DPH6: variants seen among roughly 807,000 people sequenced by gnomAD.
DPH6 encodes the protein diphthamine biosynthesis 6.
In DPH6, 33 loss-of-function variants were observed where a neutral mutation model predicts 38.2. That is an observed-to-expected ratio of 0.86 (90% confidence interval 0.65 to 1.15). DPH6 has a LOEUF of 1.15. Ranked by LOEUF, DPH6 falls within the 50% of genes most tolerant of loss-of-function variation. The pLI is 0.00. For synonymous variants in DPH6, 108 were observed against 103.0 expected (o/e 1.05, Z -0.30); for missense variants, 325 against 320.0 (o/e 1.02, Z -0.12).
At chr15:35,156,563 G>A in the DPH6 span, among the ~76,000 whole-genome samples, 1 of 151,920 alleles carries the variant, frequency 6.6e-6, no homozygotes. Flanking sequence ...AATGGGATGG[G>A]GCACACTTAT....
intron 3 of DPH6, chr15:35,519,819 T>G (rs772427348): frequency 6.6e-6 from 1 of 152,142 alleles, no homozygotes; most frequent in African/African-American, 2.4e-5. Flanking sequence ...GTCAAATGCA[T>G]GGAAATCTAC....
At chr15:35,526,379 A>AG (rs1417373849) in intron 3 of DPH6, among the ~76,000 whole-genome samples, 1 of 152,180 alleles carries the variant, frequency 6.6e-6, no homozygotes, top group African/African-American at 2.4e-5. Context: ...TTTGAAAGAT[A>AG]TCTATGGGGA....
At chr15:35,209,818 T>C in the DPH6 span, among the ~76,000 whole-genome samples, 1 of 152,184 alleles carries the variant, frequency 6.6e-6, no homozygotes, top group Admixed American at 6.5e-5. Flanking sequence ...TTATTCCAGA[T>C]TTAGTTCAAA....
chr15:35,458,502 C>A (rs2054024247), intron 3 of DPH6, among the ~76,000 whole-genome samples: 1 of 152,194 alleles, frequency 6.6e-6, no homozygotes, highest in South Asian at 2.1e-4. Flanking sequence ...AGATCTACCA[C>A]ATAGTCAATC....
the DPH6 span, among the ~76,000 whole-genome samples, chr15:35,188,998 G>A: frequency 2.0e-5 from 3 of 152,092 alleles, no homozygotes; most frequent in Admixed American, 1.3e-4. Context: ...TCATTATTTC[G>A]AGTTTGAAGA....
chr15:35,440,563 T>G (rs972298026), intron 5 of DPH6, among the ~76,000 whole-genome samples: 3 of 152,184 alleles, frequency 2.0e-5, no homozygotes, highest in Admixed American at 6.5e-5. Context: ...GTCAGCAGTA[T>G]GCAGTAAAGA....
At chr15:35,425,254 T>C (rs78443735) in intron 5 of DPH6, among the ~76,000 whole-genome samples, 1 of 151,528 alleles carries the variant, frequency 6.6e-6, no homozygotes, top group East Asian at 1.9e-4. Flanking sequence ...GGTACAAATA[T>C]CCTCCTGGAC....
Position 35,546,142 on chromosome 15 carries a change from G to T in DPH6, c.-1C>A. On this transcript the variant is annotated 5_prime_UTR_variant, in exon 1 of 9. Coordinates refer to ENST00000256538, the MANE Select transcript of DPH6 (RefSeq NM_080650.4). ...ACCTGATCAGAGCCGCGACCCTCAT[G>T]CTGGGCGCAGTGCGCGTGCGTGCGG... The T allele has an allele frequency of 7.1e-7, 1 of 1,399,930 alleles. No homozygotes were observed. Among genetic ancestry groups the T allele is most frequent in the South Asian group, 1.6e-5 (1 of 61,278 alleles). 86.7% of individuals were successfully genotyped at this position (1,399,930 alleles called of 1,614,324 possible).
At chr15:35,439,803 T>C (rs1021718571) in intron 5 of DPH6, among the ~76,000 whole-genome samples, 9 of 152,082 alleles carry the variant, frequency 5.9e-5, no homozygotes, top group Admixed American at 2.0e-4. Flanking sequence ...AAAAAAGTCC[T>C]ATCTGAGATT....
chr15:35,532,625 C>G (rs1469075095), intron 3 of DPH6, among the ~76,000 whole-genome samples: 1 of 152,048 alleles, frequency 6.6e-6, no homozygotes, highest in African/African-American at 2.4e-5. Flanking sequence ...AGATAACAAA[C>G]AAGTTTTGAA....
In DPH6 at chr15:35,496,567, A is replaced by AATATATATATATATATATATATAT. The variant is rs1165939476; in HGVS notation, c.312+41683_312+41706dup. ...GAAAGTTCCATCTCAAAAAAAAAAA[A>AATATATATATATATATATATATAT]ATATATATATATATATATATATATC... On this transcript the variant is annotated intron_variant, in intron 3 of 8. Coordinates refer to ENST00000256538, the MANE Select transcript of DPH6 (RefSeq NM_080650.4). 8.8e-3 allele frequency among the ~76,000 whole-genome samples: 271 copies of AATATATATATATATATATATATAT among 30,890 alleles called. 21 individuals carry two copies. Among genetic ancestry groups the AATATATATATATATATATATATAT allele is most frequent in the Non-Finnish European group, 0.012 (224 of 18,942 alleles). The allele number at this position is 30,890 out of a possible 152,430, so 20.3% of individuals were successfully genotyped here. A position where few individuals can be genotyped will look rare whatever the true frequency, so the allele number is the denominator to read the frequency against.
intron 3 of DPH6, among the ~76,000 whole-genome samples, chr15:35,304,979 A>G (rs2052078353): frequency 6.6e-6 from 1 of 152,060 alleles, no homozygotes; most frequent in Non-Finnish European, 1.5e-5. Context: ...TCACAGAGGG[A>G]CACTTTTAAT....
intron 3 of DPH6, chr15:35,282,937 C>T (rs990016078): frequency 5.8e-6 from 2 of 342,334 alleles, no homozygotes; most frequent in Admixed American, 3.3e-5. Context: ...CTTGGGTTTG[C>T]ACCAATGACA....
At chr15:35,201,002 T>TA in the DPH6 span, among the ~76,000 whole-genome samples, 7 of 149,266 alleles carry the variant, frequency 4.7e-5, no homozygotes, top group East Asian at 1.2e-3. Context: ...TTTTTTTTTT[T>TA]ACCATTTCTA....
intron 3 of DPH6, among the ~76,000 whole-genome samples, chr15:35,313,036 T>C (rs1195254092): frequency 3.3e-5 from 5 of 152,068 alleles, no homozygotes; most frequent in Admixed American, 6.6e-5. Context: ...GAGATCAGCC[T>C]GGACAACATG....
chr15:35,410,972 C>A, intron 5 of DPH6, 76 bp from the exon 6 acceptor site: 1 of 1,261,572 alleles, frequency 7.9e-7, no homozygotes, highest in Non-Finnish European at 1.1e-6. Flanking sequence ...TTCCCTTGGC[C>A]CCTCCTCACC....
the DPH6 span, among the ~76,000 whole-genome samples, chr15:35,210,233 C>G: frequency 6.6e-6 from 1 of 152,208 alleles, no homozygotes; most frequent in Admixed American, 6.5e-5. Flanking sequence ...TCTCTTCATT[C>G]AAGCTATTAC....
chr15:35,403,490 A>G lies in DPH6; in HGVS notation c.567+7345T>C, dbSNP rs996404763. Among the ~76,000 whole-genome samples the G allele has an allele frequency of 1.8e-4, 28 of 151,974 alleles. 1 individual carries two copies. The highest frequency in any genetic ancestry group is 1.8e-3 in the Admixed American group (27 of 15,216). On this transcript the variant is annotated intron_variant, in intron 6 of 8. Coordinates refer to ENST00000256538, the MANE Select transcript of DPH6 (RefSeq NM_080650.4). ...TAGGCCCCCTGTTGTGCTATCAAACACTAGGTCTTATTCATCCTTTCTTTA... is the reference window on the plus strand; with the variant it reads ...TAGGCCCCCTGTTGTGCTATCAAACGCTAGGTCTTATTCATCCTTTCTTTA...
In DPH6 at chr15:35,403,573, C is replaced by A. The variant is rs1160630429; in HGVS notation, c.567+7262G>T. Among the ~76,000 whole-genome samples, 3 of 152,146 alleles carry A rather than the reference C, an allele frequency of 2.0e-5. No individual in the cohort carries two copies. In the East Asian group the frequency reaches 5.8e-4, roughly 30 times the overall value. The stretch of plus-strand genomic sequence containing the variant: ...TCACCCAGGGTGGAGTATGGTGACA[C>A]AATCATGGCTCATGGCAGCCTCGAC... On this transcript the variant is annotated intron_variant, in intron 6 of 8. Transcript: ENST00000256538.
Sources: gnomAD v4.1 joint callset for allele counts (sites outside exome capture counted in the v4.1 genomes callset) on GRCh38, gnomAD v4.1.1 for gene constraint, MANE v1.5 for transcripts, NCBI Gene and HGNC (gene_info 2026-07-23, HGNC 2026-07-21) for gene names.